The following CCSER1 variants were observed in gnomAD, a reference collection of about 807,000 sequenced individuals.
The protein encoded by CCSER1 is serine-rich coiled-coil domain-containing protein 1.
CCSER1 carries 41 observed loss-of-function variants against 82.0 expected under a neutral mutation model. That is an observed-to-expected ratio of 0.50 (90% CI 0.39 to 0.65). CCSER1 has a LOEUF of 0.65. Ranked by LOEUF, CCSER1 falls within the 30% of genes least tolerant of loss-of-function variation. The pLI, the probability that CCSER1 is intolerant of heterozygous loss-of-function variation, is 0.00. For missense variants in CCSER1, 1,119 were observed against 1,064.2 expected, an observed-to-expected ratio of 1.05 and a Z score of -0.72; for synonymous variants, 414 against 383.9, an observed-to-expected ratio of 1.08 and a Z score of -0.92.
chr4:90,563,122 T>A (rs1278874302), intron 5 of CCSER1, among the ~76,000 whole-genome samples: 1 of 149,048 alleles, frequency 6.7e-6, no homozygotes, highest in Non-Finnish European at 1.5e-5. Context: ...AATTTTTATT[T>A]ATTTTTTTGA....
chr4:91,172,930 AGTT>A (rs1413313577), intron 10 of CCSER1, among the ~76,000 whole-genome samples: 2 of 152,210 alleles, frequency 1.3e-5, no homozygotes, highest in Non-Finnish European at 2.9e-5. Context: ...TGGAAAAAAA[AGTT>A]GTTTTATCTT....
intron 1 of CCSER1, among the ~76,000 whole-genome samples, chr4:90,166,052 C>T (rs1366838434): frequency 2.6e-5 from 4 of 152,094 alleles, no homozygotes; most frequent in Admixed American, 6.6e-5. Flanking sequence ...AACAATATTT[C>T]GACTTTATGA....
intron 10 of CCSER1, among the ~76,000 whole-genome samples, chr4:91,331,336 C>A (rs1746938750): frequency 6.6e-6 from 1 of 152,090 alleles, no homozygotes; most frequent in Non-Finnish European, 1.5e-5. Flanking sequence ...ACTTAACATG[C>A]AAATCTGACC....
chr4:90,796,418 T>A (rs76348421), intron 7 of CCSER1, among the ~76,000 whole-genome samples: 52 of 79,684 alleles, frequency 6.5e-4, no homozygotes, highest in East Asian at 5.9e-3. Flanking sequence ...GTACTAAATT[T>A]AAAAAAAAAA....
At chr4:90,963,914 TTTC>T (rs1581216430) in intron 9 of CCSER1, among the ~76,000 whole-genome samples, 1 of 152,240 alleles carries the variant, frequency 6.6e-6, no homozygotes, top group East Asian at 1.9e-4. Flanking sequence ...TTCTTTTTAT[TTTC>T]TTCTTCTCTT....
chr4:90,418,508 G>A (rs966847838), intron 4 of CCSER1, among the ~76,000 whole-genome samples: 13 of 151,864 alleles, frequency 8.6e-5, no homozygotes, highest in African/African-American at 2.4e-5. Context: ...ATTGAGTCTA[G>A]GTGCCAATTT....
chr4:90,991,102 A>G (rs1402762202), intron 9 of CCSER1, among the ~76,000 whole-genome samples: 1 of 151,700 alleles, frequency 6.6e-6, no homozygotes, highest in Non-Finnish European at 1.5e-5. Context: ...CACAGGTTGA[A>G]GTCTCTTGAT....
chr4:91,106,638 T>C lies in CCSER1; in HGVS notation c.2217+20644T>C, dbSNP rs561394847. ...TTTGGAATTGTTGGATTACAAAGAA[T>C]AGAAACTTATGTGTCAGGTGCATCC... On this transcript the variant is annotated intron_variant, in intron 10 of 10. Coordinates refer to ENST00000509176, the MANE Select transcript of CCSER1 (RefSeq NM_001145065.2). Among the ~76,000 whole-genome samples, 52 of 152,374 alleles carry C rather than the reference T, an allele frequency of 3.4e-4. 2 individuals carry two copies. In the South Asian group the frequency reaches 0.01, roughly 30 times the overall value.
chr4:91,021,589 C>G (rs1291572155), intron 9 of CCSER1, among the ~76,000 whole-genome samples: 1 of 152,026 alleles, frequency 6.6e-6, no homozygotes, highest in Non-Finnish European at 1.5e-5. Context: ...TGTTTTGTGT[C>G]TTTTTCAATA....
Position 90,628,044 on chromosome 4 carries a change from A to T in CCSER1, c.1744A>T (p.Thr582Ser), listed in dbSNP as rs1723650501. Residue 582 changes from threonine (T) to serine (S), a missense_variant, in exon 6 of 11, where the codon ACA becomes TCA. Physicochemically the swap from Thr to Ser is moderately conservative, Grantham distance 58 (BLOSUM62 1). Transcript: ENST00000509176. ...PSKQNLSLKL[T>S]KDVDQEARCS... ...TGTTAGGAATCTTTCCCTGAAATTA[A>T]CAAAGGACGTTGATCAAGAAGCCAG... is the stretch of plus-strand genomic sequence containing the variant. The T allele has an allele frequency of 6.2e-7, 1 of 1,613,606 alleles. No homozygotes were observed.
chr4:90,871,861 A>G (rs927071980), intron 8 of CCSER1, among the ~76,000 whole-genome samples: 2 of 151,786 alleles, frequency 1.3e-5, no homozygotes, highest in African/African-American at 2.4e-5. Flanking sequence ...GTGCATATAT[A>G]TATTTATAAT....
intron 8 of CCSER1, among the ~76,000 whole-genome samples, chr4:90,848,270 C>G (rs2149911701): frequency 6.6e-6 from 1 of 152,170 alleles, no homozygotes; most frequent in East Asian, 1.9e-4. Context: ...AGTGGAAAAA[C>G]CATCAATTCC....
intron 10 of CCSER1, among the ~76,000 whole-genome samples, chr4:91,149,465 A>G (rs1425170957): frequency 1.3e-5 from 2 of 152,174 alleles, no homozygotes; most frequent in Non-Finnish European, 2.9e-5. Context: ...TTTGCTGTGC[A>G]GAAGCTCTTT....
At chr4:90,839,135 T>A in intron 8 of CCSER1, 1 of 905,394 alleles carries the variant, frequency 1.1e-6, no homozygotes, top group Non-Finnish European at 1.8e-6. Context: ...TTTTTAATAA[T>A]GTTTGCATTT....
intron 10 of CCSER1, among the ~76,000 whole-genome samples, chr4:91,101,070 G>A (rs879638452): frequency 6.6e-6 from 1 of 152,168 alleles, no homozygotes; most frequent in Non-Finnish European, 1.5e-5. Context: ...CAAGTGAGGG[G>A]GAGCCAGCTT....
intron 6 of CCSER1, among the ~76,000 whole-genome samples, chr4:90,684,395 T>C (rs896711421): frequency 2.6e-5 from 4 of 152,200 alleles, no homozygotes; most frequent in Non-Finnish European, 1.5e-5. Flanking sequence ...TATATCCAAT[T>C]AAAAAATAAC....
intron 10 of CCSER1, among the ~76,000 whole-genome samples, chr4:91,506,143 T>C (rs1479851602): frequency 6.6e-6 from 1 of 152,210 alleles, no homozygotes; most frequent in African/African-American, 2.4e-5. Flanking sequence ...GTTTCAGTTT[T>C]CTGCATATGG....
At chr4:91,497,535 C>A (rs1758989757) in intron 10 of CCSER1, among the ~76,000 whole-genome samples, 1 of 151,722 alleles carries the variant, frequency 6.6e-6, no homozygotes, top group South Asian at 2.1e-4. Context: ...TTTGATTCTT[C>A]TGATTATGAA....
At chr4:91,250,002 C>T (rs1740130836) in intron 10 of CCSER1, among the ~76,000 whole-genome samples, 1 of 151,566 alleles carries the variant, frequency 6.6e-6, no homozygotes, top group African/African-American at 2.4e-5. Context: ...ACTAAAATGT[C>T]GTTCAGGGAT....
Sources: allele counts gnomAD v4.1 joint callset (sites outside exome capture counted in the v4.1 genomes callset), GRCh38; gene constraint gnomAD v4.1.1; transcripts MANE v1.5; gene names NCBI Gene and HGNC (gene_info 2026-07-23, HGNC 2026-07-21).